SCN11A: variants seen among roughly 807,000 people sequenced by gnomAD.
The protein encoded by SCN11A is sodium voltage-gated channel alpha subunit 11.
SCN11A carries 122 observed loss-of-function variants against 162.2 expected under a neutral mutation model. The observed-to-expected ratio is 0.75, with a 90% CI of 0.65 to 0.87. SCN11A has a LOEUF of 0.87. Ranked by LOEUF, SCN11A falls within the 40% of genes least tolerant of loss-of-function variation. The pLI is 0.00. For missense variants in SCN11A, 2,015 were observed against 2,181.6 expected (o/e 0.92, Z 1.52); for synonymous variants, 758 against 751.5 (o/e 1.01, Z -0.14).
At chr3:38,906,537 T>C (rs9311199) in intron 14 of SCN11A, among the ~76,000 whole-genome samples, 133,132 of 152,110 alleles carry the variant, frequency 0.88, 58,362 homozygotes, top group South Asian at 0.92. Flanking sequence ...GGAAACCAGG[T>C]CTTATCCCCA....
chr3:39,026,330 G>T (rs1348483102), intron 2 of SCN11A, among the ~76,000 whole-genome samples: 1 of 152,126 alleles, frequency 6.6e-6, no homozygotes, highest in Non-Finnish European at 1.5e-5. Flanking sequence ...TGTGTTCACT[G>T]TTCTCTACCT....
At chr3:38,998,013 G>C (rs1196092572) in intron 2 of SCN11A, among the ~76,000 whole-genome samples, 5 of 152,164 alleles carry the variant, frequency 3.3e-5, no homozygotes, top group African/African-American at 1.2e-4. Context: ...AGGATGAGAA[G>C]AAAAGGATTT....
rs35693485 is a variant in SCN11A, at chr3:38,883,320, G to A, written c.3132C>T (p.Asn1044=). The A allele has an allele frequency of 1.2e-6, 2 of 1,613,950 alleles. No homozygotes were observed. The highest frequency in any genetic ancestry group is 2.2e-5 in the East Asian group (1 of 44,882). Residue 1044 remains asparagine (N), a synonymous_variant, in exon 22 of 30, where the codon AAC becomes AAT. Coordinates refer to ENST00000302328, the MANE Select transcript of SCN11A (RefSeq NM_001349253.2). ...KRKPPWVIWW[N]LRKTCYQIVK... ...CTATTTGGTAGCAGGTTTTCCGCAGGTTCCACCAAATGACCCAGGGAGGCT... is the reference window on the plus strand; with the variant it reads ...CTATTTGGTAGCAGGTTTTCCGCAGATTCCACCAAATGACCCAGGGAGGCT...
At chr3:38,997,998 A>C (rs563032908) in intron 2 of SCN11A, among the ~76,000 whole-genome samples, 1 of 152,348 alleles carries the variant, frequency 6.6e-6, no homozygotes, top group South Asian at 2.1e-4. Context: ...AATATCTATA[A>C]CTTAAGGATG....
chr3:38,884,937 T>C (rs1419678564), intron 21 of SCN11A, among the ~76,000 whole-genome samples: 3 of 152,224 alleles, frequency 2.0e-5, no homozygotes, highest in African/African-American at 7.2e-5. Flanking sequence ...GACTACAATG[T>C]CTAAACTCTT....
In SCN11A at chr3:38,871,516, T is replaced by C. The variant is rs2065125351; in HGVS notation, c.3688A>G (p.Asn1230Asp). Residue 1230 changes from asparagine (N) to aspartate (D), a missense_variant, in exon 25 of 30, where the codon AAT (asparagine) becomes GAT (aspartate). Asn to Asp is a conservative substitution (Grantham distance 23). Coordinates refer to ENST00000302328, the MANE Select transcript of SCN11A (RefSeq NM_001349253.2). ...ACTTTCTGGTTGATCCAAGAGAAAT[T>C]GCCACTTTCACATTGACTTTTATTT... is the stretch of plus-strand genomic sequence containing the variant. ...ITNKSQCESG[N>D]FSWINQKVNF... The C allele has an allele frequency of 2.5e-6, 4 of 1,613,076 alleles. No individual in the cohort carries two copies. Among genetic ancestry groups the C allele is most frequent in the Non-Finnish European group, 3.4e-6 (4 of 1,179,436 alleles).
intron 2 of SCN11A, among the ~76,000 whole-genome samples, chr3:39,017,253 TGC>T (rs2031315835): frequency 6.6e-6 from 1 of 152,244 alleles, no homozygotes; most frequent in Non-Finnish European, 1.5e-5. Flanking sequence ...CAAGTCTGCC[TGC>T]ATCTTGCTCT....
At chr3:38,982,656 T>G (rs1341056396) in intron 2 of SCN11A, among the ~76,000 whole-genome samples, 1 of 152,118 alleles carries the variant, frequency 6.6e-6, no homozygotes, top group Non-Finnish European at 1.5e-5. Context: ...GCAGACATAA[T>G]ATATGAAAGA....
intron 23 of SCN11A, among the ~76,000 whole-genome samples, chr3:38,875,750 G>A (rs940070327): frequency 6.6e-6 from 1 of 152,096 alleles, no homozygotes; most frequent in Non-Finnish European, 1.5e-5. Context: ...GTTCATGGAT[G>A]GGTAGAATCA....
intron 23 of SCN11A, among the ~76,000 whole-genome samples, chr3:38,872,888 C>T (rs2065152270): frequency 6.6e-6 from 1 of 152,074 alleles, no homozygotes; most frequent in Non-Finnish European, 1.5e-5. Context: ...ATGTGGATTT[C>T]ATTATACTAT....
chr3:38,913,087 ATT>A (rs1463277635), intron 11 of SCN11A, among the ~76,000 whole-genome samples: 3 of 152,156 alleles, frequency 2.0e-5, no homozygotes, highest in African/African-American at 7.2e-5. Context: ...GGTTGAACTA[ATT>A]TACACTTCTA....
intron 2 of SCN11A, among the ~76,000 whole-genome samples, chr3:39,007,335 A>G (rs1043664007): frequency 2.0e-5 from 3 of 152,172 alleles, no homozygotes; most frequent in African/African-American, 7.2e-5. Context: ...GAGTGATAGG[A>G]GCACCTTTTG....
chr3:39,035,410 C>G (rs2031877085), intron 1 of SCN11A, among the ~76,000 whole-genome samples: 3 of 152,146 alleles, frequency 2.0e-5, no homozygotes. Context: ...AAGAATGAAA[C>G]TAGGCCCCTA....
At position 38,897,150 on chromosome 3, in the gene SCN11A, C is replaced by T. The variant is rs1181906149; in HGVS notation, c.2098G>A (p.Ala700Thr). The change falls in exon 18 of 30, where the codon GCC (alanine) becomes ACC (threonine). Residue 700 changes from alanine to threonine, a missense_variant. Coordinates refer to ENST00000302328, the MANE Select transcript of SCN11A (RefSeq NM_001349253.2). ...LIKIIGNSVG[A>T]LGSLTVVLVI... ...AGGACCACAGTCAGGCTTCCAAGGGCTCCGACAGAGTTGCCGATTATCTTA... is the reference window on the plus strand; with the variant it reads ...AGGACCACAGTCAGGCTTCCAAGGGTTCCGACAGAGTTGCCGATTATCTTA... The T allele has an allele frequency of 6.2e-7, 1 of 1,614,026 alleles. No homozygotes were observed. The highest frequency in any genetic ancestry group is 8.5e-7 in the Non-Finnish European group (1 of 1,180,022).
chr3:38,937,114 A>C lies in SCN11A; in HGVS notation c.488+8297T>G, dbSNP rs1379796955. 2.0e-5 allele frequency among the ~76,000 whole-genome samples: 3 copies of C among 152,100 alleles called. No individual in the cohort carries two copies. The East Asian group carries it at 5.8e-4, about 29-fold the overall frequency. ...TTTGACAAACCTGACAAAAACAAGC[A>C]ATGGGGAAAGGATTCTCTATTTAAT... On this transcript the variant is annotated intron_variant, in intron 7 of 29. Coordinates refer to ENST00000302328, the MANE Select transcript of SCN11A (RefSeq NM_001349253.2).
At chr3:38,935,683 G>A (rs1316413279) in intron 7 of SCN11A, among the ~76,000 whole-genome samples, 2 of 152,190 alleles carry the variant, frequency 1.3e-5, no homozygotes, top group African/African-American at 4.8e-5. Context: ...CCAGGAAGAA[G>A]TTGACTCTCT....
chr3:38,957,120 T>C (rs1250410622), intron 3 of SCN11A, among the ~76,000 whole-genome samples: 1 of 151,988 alleles, frequency 6.6e-6, no homozygotes, highest in Non-Finnish European at 1.5e-5. Context: ...CCTACAAATA[T>C]ATACAATGAT....
intron 17 of SCN11A, among the ~76,000 whole-genome samples, chr3:38,898,095 A>G (rs2065636320): frequency 6.6e-6 from 1 of 151,626 alleles, no homozygotes; most frequent in Admixed American, 6.6e-5. Flanking sequence ...AAAATTAGCC[A>G]GGCGTGGTGG....
Position 38,872,217 on chromosome 3 carries a change from C to T in SCN11A, c.3471G>A (p.Ala1157=), listed in dbSNP as rs771153034. 25 of 1,602,444 alleles carry T rather than the reference C, an allele frequency of 1.6e-5. No homozygotes were observed. Among genetic ancestry groups the T allele is most frequent in the Middle Eastern group, 1.7e-4 (1 of 6,048 alleles). ...CCTTCATTCCTTCAAACTGGGACAGCGCACGAAGAGGCCTCAGTGCTCGTA... is the reference window on the plus strand; with the variant it reads ...CCTTCATTCCTTCAAACTGGGACAGTGCACGAAGAGGCCTCAGTGCTCGTA... ...RTLRALRPLR[A]LSQFEGMKVV... Residue 1157 remains alanine (A), a synonymous_variant, in exon 24 of 30, where the codon GCG becomes GCA. Transcript: ENST00000302328.
Sources: allele counts gnomAD v4.1 joint callset (sites outside exome capture counted in the v4.1 genomes callset), GRCh38; gene constraint gnomAD v4.1.1; transcripts MANE v1.5; gene names NCBI Gene and HGNC (gene_info 2026-07-23, HGNC 2026-07-21).